The following KXD1 variants were observed in gnomAD, a reference collection of about 807,000 sequenced individuals.
KXD1 encodes KxDL motif containing 1, also known as kxDL motif-containing protein 1.
Under a neutral mutation model 12.1 loss-of-function variants are expected in KXD1, and 5 were observed. The observed-to-expected ratio is 0.41, with a 90% CI of 0.22 to 0.87. KXD1 has a LOEUF of 0.87. Among genes scored for constraint, KXD1 ranks in the 40% least tolerant of loss-of-function variants. KXD1 has a pLI of 0.31. For synonymous variants in KXD1, 98 were observed against 100.5 expected (o/e 0.98, Z 0.15); for missense variants, 193 against 244.9 (o/e 0.79, Z 1.41).
chr19:18,567,465 G>C, intron 4 of KXD1: 1 of 709,156 alleles, frequency 1.4e-6, no homozygotes, highest in East Asian at 2.6e-5. Flanking sequence ...AGCCATCTCA[G>C]AACAGAGCAC....
chr19:18,568,470 A>G lies in KXD1; in HGVS notation c.370A>G (p.Ile124Val). The change falls in exon 5 of 5, where the codon ATT becomes GTT. Residue 124 changes from isoleucine to valine, a missense_variant. By Grantham distance (29) the Ile-to-Val change is conservative (BLOSUM62 3). Coordinates refer to ENST00000222307, the MANE Select transcript of KXD1 (RefSeq NM_024069.4). ...DPIPPSTTTT[I>V]ATSEQSTGSC... ...CATCCCACCCAGCACCACGACCACCATTGCCACCTCAGAACAGAGCACGGG... is the reference window on the plus strand; with the variant it reads ...CATCCCACCCAGCACCACGACCACCGTTGCCACCTCAGAACAGAGCACGGG... 3 of 1,613,856 alleles carry G rather than the reference A, an allele frequency of 1.9e-6. No individual in the cohort carries two copies. The highest frequency in any genetic ancestry group is 1.1e-5 in the South Asian group (1 of 91,064).
chr19:18,563,257 C>T (rs992670439), intron 2 of KXD1, among the ~76,000 whole-genome samples: 4 of 151,806 alleles, frequency 2.6e-5, no homozygotes, highest in South Asian at 2.1e-4. Flanking sequence ...TCAGCTGTCA[C>T]GACACAGTAC....
chr19:18,562,067 C>A lies in KXD1; in HGVS notation c.11C>A (p.Pro4Gln). 6.2e-7 allele frequency: 1 copy of A among 1,612,522 alleles called. No individual in the cohort carries two copies. Residue 4 changes from proline (P) to glutamine (Q), a missense_variant, in exon 2 of 5, where the codon CCG becomes CAG. By Grantham distance (76) the Pro-to-Gln change is moderately conservative. Coordinates refer to ENST00000222307, the MANE Select transcript of KXD1 (RefSeq NM_024069.4). The part of the protein sequence containing the change: MDL[P>Q]DSASRVFCGR... ...GAGGAGGAGAAAGAGATGGACCTCC[C>A]GGACTCGGCCTCGAGGGTCTTCTGC... is the stretch of plus-strand genomic sequence containing the variant.
At chr19:18,559,990 T>TCCCTCCC (rs1568418445) in intron 1 of KXD1, 1 of 122,952 alleles carries the variant, frequency 8.1e-6, no homozygotes, top group African/African-American at 3.4e-5. Context: ...CCTTCCTTCC[T>TCCCTCCC]TCCCTCCCTC....
chr19:18,562,014 A>G (rs926515703), intron 1 of KXD1, 22 bp from the exon 2 acceptor site: 1 of 1,540,168 alleles, frequency 6.5e-7, no homozygotes, highest in Admixed American at 1.7e-5. Flanking sequence ...AGTGCAGACC[A>G]CTCTGTTCTT....
rs140740111 is a variant in KXD1 at position 18,567,497 on chromosome 19, C to T, written c.301+319C>T. 2.8e-3 allele frequency among the ~76,000 whole-genome samples: 434 copies of T among 152,332 alleles called. 1 individual carries two copies. Among genetic ancestry groups the T allele is most frequent in the Non-Finnish European group, 4.7e-3 (321 of 68,020 alleles). On this transcript the variant is annotated intron_variant, in intron 4 of 4. Coordinates refer to ENST00000222307, the MANE Select transcript of KXD1 (RefSeq NM_024069.4). The stretch of plus-strand genomic sequence containing the variant: ...GCACGGGCTCATGTGACACCAGCCC[C>T]GACATCGTCTCGCCTTCCCTGAGCC...
chr19:18,560,345 G>A (rs1443404011), intron 1 of KXD1: 1 of 152,104 alleles, frequency 6.6e-6, no homozygotes, highest in Non-Finnish European at 1.5e-5. Context: ...GTTCGTCTCT[G>A]TTTCTTGGCT....
chr19:18,559,795 C>T (rs530354871), intron 1 of KXD1: 1 of 152,292 alleles, frequency 6.6e-6, no homozygotes, highest in African/African-American at 2.4e-5. Flanking sequence ...TATGTATGAG[C>T]TTGATGCTTT....
intron 3 of KXD1, chr19:18,565,224 G>A (rs1975151221): frequency 2.4e-6 from 3 of 1,236,968 alleles, no homozygotes; most frequent in Non-Finnish European, 2.1e-6. Flanking sequence ...AATTGATCGA[G>A]ACAGAGTTTT....
chr19:18,568,411 A>C lies in KXD1; in HGVS notation c.311A>C (p.Glu104Ala). 1 of 1,613,538 alleles carries C rather than the reference A, an allele frequency of 6.2e-7. No individual in the cohort carries two copies. ...QHPEAFSHIPEASFLEEEDED... is the reference protein window; with the variant it reads ...QHPEAFSHIPAASFLEEEDED... ...GGCCTCCTTCCCCCAGATATCCCAG[A>C]GGCATCCTTCCTGGAGGAAGAGGAT... The change falls in exon 5 of 5, where the codon GAG becomes GCG. Residue 104 changes from glutamate (E) to alanine (A), a missense_variant. Glu to Ala is a moderately radical substitution (Grantham distance 107). Coordinates refer to ENST00000222307, the MANE Select transcript of KXD1 (RefSeq NM_024069.4).
chr19:18,565,941 G>A lies in KXD1; in HGVS notation c.254+920G>A, dbSNP rs145525506. On this transcript the variant is annotated intron_variant, in intron 3 of 4. Coordinates refer to ENST00000222307, the MANE Select transcript of KXD1 (RefSeq NM_024069.4). Reference sequence around the variant, plus strand: ...GAGCTCCAGCACTCTGCCTGCCTCGGCCTCCTAAAGTGTTGGGATTACAGG... The same window carrying A: ...GAGCTCCAGCACTCTGCCTGCCTCGACCTCCTAAAGTGTTGGGATTACAGG... 4.7e-3 allele frequency among the ~76,000 whole-genome samples: 712 copies of A among 152,296 alleles called. 5 individuals are homozygous for A. The highest frequency in any genetic ancestry group is 0.016 in the African/African-American group (667 of 41,560).
chr19:18,567,431 A>G (rs1397174785), intron 4 of KXD1: 8 of 682,610 alleles, frequency 1.2e-5, no homozygotes, highest in East Asian at 8.0e-5. Flanking sequence ...CAGCATGACA[A>G]TCCTTATCCC....
At position 18,568,610 on chromosome 19, in the gene KXD1, C is replaced by CG. The variant is rs1389375726; in HGVS notation, c.511dup (p.Glu171GlyfsTer28). 1.2e-6 allele frequency: 2 copies of CG among 1,611,560 alleles called. No homozygotes were observed. The highest frequency in any genetic ancestry group is 1.7e-6 in the Non-Finnish European group (2 of 1,179,950). On this transcript the variant is annotated frameshift_variant, in exon 5 of 5. Coordinates refer to ENST00000222307, the MANE Select transcript of KXD1 (RefSeq NM_024069.4). LOFTEE classifies it high-confidence loss of function. ...TCAACGGCCGCAGCCAGACAGATGA[C>CG]GAGGAGATGACGGGCGAATAGCCCT...
In KXD1 at chr19:18,569,371, AG is replaced by A. The variant is rs887252219; in HGVS notation, c.*743del. Reference sequence around the variant, plus strand: ...CAATAAAAAGACACCATTACTAAAAAGGGAAAAGTACACCTAGCTGTGGCTT... The same window carrying A: ...CAATAAAAAGACACCATTACTAAAAAGGAAAAGTACACCTAGCTGTGGCTT... On this transcript the variant is annotated 3_prime_UTR_variant, in exon 5 of 5. Transcript: ENST00000222307. 1.9e-4 allele frequency: 29 copies of A among 152,724 alleles called. No individual in the cohort carries two copies. The highest frequency in any genetic ancestry group is 6.7e-4 in the African/African-American group (28 of 41,530). The allele number at this position is 152,724 out of a possible 1,614,324, so 9.5% of individuals were successfully genotyped here.
intron 2 of KXD1, among the ~76,000 whole-genome samples, chr19:18,563,791 C>T (rs192285603): frequency 4.6e-5 from 7 of 152,202 alleles, no homozygotes; most frequent in Admixed American, 3.3e-4. Context: ...TGTGAGCCAC[C>T]GTGCCCGGCC....
chr19:18,565,274 G>C (rs1728791147), intron 3 of KXD1: 1 of 1,080,016 alleles, frequency 9.3e-7, no homozygotes, highest in Admixed American at 3.4e-5. Flanking sequence ...CTGTTGCCCA[G>C]GCTGGAGTGC....
chr19:18,568,725 T>C lies in KXD1; in HGVS notation c.*94T>C. Reference sequence around the variant, plus strand: ...CTTGTTCTGTCATCCAGGGCTCCTTTGCTGCCCCGTTCTGTCACCCAGGGC... The same window carrying C: ...CTTGTTCTGTCATCCAGGGCTCCTTCGCTGCCCCGTTCTGTCACCCAGGGC... On this transcript the variant is annotated 3_prime_UTR_variant, in exon 5 of 5. Coordinates refer to ENST00000222307, the MANE Select transcript of KXD1 (RefSeq NM_024069.4). 1 of 934,044 alleles carries C rather than the reference T, an allele frequency of 1.1e-6. No homozygotes were observed. The highest frequency in any genetic ancestry group is 1.6e-6 in the Non-Finnish European group (1 of 618,400). 57.9% of individuals were successfully genotyped at this position (934,044 alleles called of 1,614,324 possible).
intron 2 of KXD1, among the ~76,000 whole-genome samples, chr19:18,562,441 A>G (rs557533493): frequency 7.2e-5 from 11 of 152,174 alleles, no homozygotes; most frequent in African/African-American, 2.6e-4. Context: ...AGAGGGGGCC[A>G]CATGCAGGTT....
At position 18,567,019 on chromosome 19, in the gene KXD1, T is replaced by A. The variant is rs1030112963; in HGVS notation, c.255-113T>A. On this transcript the variant is annotated intron_variant, in intron 3 of 4. Coordinates refer to ENST00000222307, the MANE Select transcript of KXD1 (RefSeq NM_024069.4). ...TGTGAGGTGATGAACAGTGTGGGGG[T>A]TCTCACTCCCGTCTCCCCTTGCCCT... 8 of 863,660 alleles carry A rather than the reference T, an allele frequency of 9.3e-6. No homozygotes were observed. The African/African-American group carries it at 1.3e-4, about 14-fold the overall frequency. The allele number at this position is 863,660 out of a possible 1,614,324, so 53.5% of individuals were successfully genotyped here. A position where few individuals can be genotyped will look rare whatever the true frequency, so the allele number is the denominator to read the frequency against.
Sources: gnomAD v4.1 joint callset for allele counts (sites outside exome capture counted in the v4.1 genomes callset) on GRCh38, gnomAD v4.1.1 for gene constraint, MANE v1.5 for transcripts, NCBI Gene and HGNC (gene_info 2026-07-23, HGNC 2026-07-21) for gene names.